TF: variants seen among roughly 807,000 people sequenced by gnomAD.
TF encodes the protein transferrin, also known as serotransferrin.
A neutral mutation model predicts 82.4 loss-of-function variants in TF; 55 were observed. The observed-to-expected ratio is 0.67, with a 90% CI of 0.54 to 0.84. The LOEUF (loss-of-function observed/expected upper bound fraction) is 0.84, where lower values mean the gene tolerates loss of function less well. Among genes scored for constraint, TF ranks in the 40% least tolerant of loss-of-function variants. The probability of loss-of-function intolerance (pLI) is 0.00; values close to 1 mark genes in which losing one functional copy is unlikely to be tolerated. For synonymous variants in TF, 332 were observed against 332.6 expected (o/e 1.00, Z 0.02); for missense variants, 737 against 868.4 (o/e 0.85, Z 1.90).
chr3:133,727,973 A>G, the TF span, among the ~76,000 whole-genome samples: 1 of 152,138 alleles, frequency 6.6e-6, no homozygotes, highest in Non-Finnish European at 1.5e-5. Flanking sequence ...AAGAATGTTG[A>G]ATATTGGCCC....
At chr3:133,756,635 C>G (rs1933841188) in intron 6 of TF, among the ~76,000 whole-genome samples, 196 bp from the exon 7 acceptor site, 1 of 152,184 alleles carries the variant, frequency 6.6e-6, no homozygotes, top group Non-Finnish European at 1.5e-5. Flanking sequence ...GAGGAGCAAT[C>G]ACTGCTACAT....
intron 1 of TF, 128 bp from the exon 2 acceptor site, chr3:133,748,284 G>T: frequency 8.5e-7 from 1 of 1,173,952 alleles, no homozygotes. Flanking sequence ...GCCCTGTAGT[G>T]TTCATGGACA....
At chr3:133,743,040 T>C (rs1933423187), upstream of TF, among the ~76,000 whole-genome samples, 1 of 151,756 alleles carries the variant, frequency 6.6e-6, no homozygotes, top group South Asian at 2.1e-4. Flanking sequence ...CTCTCTTTCC[T>C]CCCCCACTAA....
chr3:133,736,631 C>CAACAAA, the TF span, among the ~76,000 whole-genome samples: 1 of 32,552 alleles, frequency 3.1e-5, no homozygotes, highest in East Asian at 1.2e-3. Flanking sequence ...AATGGAAAGC[C>CAACAAA]AAAAAAAAAA....
At chr3:133,738,048 A>G in the TF span, among the ~76,000 whole-genome samples, 4 of 152,246 alleles carry the variant, frequency 2.6e-5, no homozygotes, top group African/African-American at 7.2e-5. Flanking sequence ...ATGAACATCA[A>G]TGAGAAAATC....
intron 8 of TF, among the ~76,000 whole-genome samples, chr3:133,758,648 G>A (rs777025712): frequency 5.9e-5 from 9 of 152,164 alleles, no homozygotes; most frequent in Admixed American, 1.3e-4. Flanking sequence ...TGGACTTGGC[G>A]TTAAGGCAAA....
chr3:133,755,707 C>G, intron 5 of TF: 2 of 636,192 alleles, frequency 3.1e-6, no homozygotes, highest in Non-Finnish European at 5.5e-6. Context: ...AGGTCCTTTT[C>G]CTGGGGACCC....
the TF span, among the ~76,000 whole-genome samples, chr3:133,728,895 C>G: frequency 5.3e-5 from 8 of 152,200 alleles, no homozygotes; most frequent in Admixed American, 5.2e-4. Context: ...AGCTGCAGGA[C>G]TGTTTGAGTT....
the TF span, chr3:133,710,044 C>T: frequency 6.6e-6 from 1 of 152,316 alleles, no homozygotes; most frequent in African/African-American, 2.4e-5. Context: ...AAACCTTCCA[C>T]CAGTAAGTCC....
the TF span, among the ~76,000 whole-genome samples, chr3:133,728,597 G>T: frequency 6.6e-6 from 1 of 152,156 alleles, no homozygotes; most frequent in Non-Finnish European, 1.5e-5. Context: ...CCTTTGGTTT[G>T]AATTTCCTCC....
chr3:133,670,442 A>T, the TF span, among the ~76,000 whole-genome samples: 1 of 152,242 alleles, frequency 6.6e-6, no homozygotes, highest in Non-Finnish European at 1.5e-5. Context: ...AAATGACTTT[A>T]GCACTTTGGA....
At chr3:133,759,101 C>T (rs1000953631) in intron 8 of TF, 74 bp from the exon 9 acceptor site, 3 of 1,579,332 alleles carry the variant, frequency 1.9e-6, no homozygotes, top group Admixed American at 1.7e-5. Context: ...TGCATGAAGA[C>T]AGTGAGTAGT....
chr3:133,787,826 A>C lies in TF; in HGVS notation c.*9206A>C, dbSNP rs936161241. ...TAATTTTAAAATATCCACTCTCTAG[A>C]TACTAAAGAGGTTGCCAATGTATGA... On this transcript the variant is annotated 3_prime_UTR_variant, in exon 17 of 17. Transcript: ENST00000402696. The C allele has an allele frequency of 1.3e-5, 2 of 152,254 alleles. No homozygotes were observed. The highest frequency in any genetic ancestry group is 4.8e-5 in the African/African-American group (2 of 41,470). The allele number at this position is 152,254 out of a possible 1,614,324, so 9.4% of individuals were successfully genotyped here.
chr3:133,685,466 C>G, the TF span, among the ~76,000 whole-genome samples: 2 of 152,084 alleles, frequency 1.3e-5, no homozygotes, highest in African/African-American at 4.8e-5. Flanking sequence ...TCGTCTCAGC[C>G]CAAAATCTCC....
chr3:133,713,671 T>C, the TF span, among the ~76,000 whole-genome samples: 1 of 152,274 alleles, frequency 6.6e-6, no homozygotes, highest in Non-Finnish European at 1.5e-5. Flanking sequence ...ATGTGGGAGA[T>C]AGTAAGATTT....
the TF span, chr3:133,712,873 C>T: frequency 1.3e-5 from 2 of 152,696 alleles, no homozygotes; most frequent in African/African-American, 4.8e-5. Flanking sequence ...TCACTTCTTC[C>T]ATCATCCCAG....
chr3:133,752,392 C>T (rs1933699278), intron 2 of TF, among the ~76,000 whole-genome samples: 1 of 152,162 alleles, frequency 6.6e-6, no homozygotes, highest in South Asian at 2.1e-4. Flanking sequence ...AGCCACTATA[C>T]CTGGCCTGCT....
chr3:133,744,712 A>G (rs1933457411), upstream of TF, among the ~76,000 whole-genome samples: 1 of 152,198 alleles, frequency 6.6e-6, no homozygotes, highest in Non-Finnish European at 1.5e-5. Context: ...TTCTGTCCTC[A>G]CTGTAAACAG....
chr3:133,774,580 T>G (rs1934338838), intron 14 of TF: 2 of 152,552 alleles, frequency 1.3e-5, no homozygotes, highest in African/African-American at 4.8e-5. Flanking sequence ...TAATGAGCCG[T>G]GGATGGAAAC....
Sources: allele counts gnomAD v4.1 joint callset (sites outside exome capture counted in the v4.1 genomes callset), GRCh38; gene constraint gnomAD v4.1.1; transcripts MANE v1.5; gene names NCBI Gene and HGNC (gene_info 2026-07-23, HGNC 2026-07-21).